RSAD2: variants seen among roughly 807,000 people sequenced by gnomAD.
RSAD2 encodes the protein radical S-adenosyl methionine domain containing 2, also known as S-adenosylmethionine-dependent nucleotide dehydratase RSAD2.
RSAD2 carries 38 observed loss-of-function variants against 37.7 expected under a neutral mutation model. The observed-to-expected ratio is 1.01, with a 90% confidence interval of 0.78 to 1.32. The LOEUF (loss-of-function observed/expected upper bound fraction) is 1.32, where lower values mean the gene tolerates loss of function less well. Ranked by LOEUF, RSAD2 falls within the 40% of genes most tolerant of loss-of-function variation. The probability of loss-of-function intolerance (pLI) is 0.00; values close to 1 mark genes in which losing one functional copy is unlikely to be tolerated. For synonymous variants in RSAD2, 163 were observed against 157.4 expected (o/e 1.04, Z -0.27); for missense variants, 428 against 437.5 (o/e 0.98, Z 0.19).
At chr2:6,884,334 A>G (rs1663473780) in intron 2 of RSAD2, among the ~76,000 whole-genome samples, 1 of 152,192 alleles carries the variant, frequency 6.6e-6, no homozygotes, top group Non-Finnish European at 1.5e-5. Context: ...TTAAGCAGGT[A>G]GAGAAGAGTC....
intron 1 of RSAD2, among the ~76,000 whole-genome samples, chr2:6,882,538 T>C (rs973128448): frequency 6.6e-6 from 1 of 152,130 alleles, no homozygotes; most frequent in Non-Finnish European, 1.5e-5. Context: ...AATGTTCCAG[T>C]AATAGAAGTT....
chr2:6,866,208 C>G (rs529113493), intron 1 of RSAD2, among the ~76,000 whole-genome samples: 1 of 152,348 alleles, frequency 6.6e-6, no homozygotes, highest in Non-Finnish European at 1.5e-5. Context: ...CACTTGCAGG[C>G]GCACTACTGC....
chr2:6,896,002 T>C lies in RSAD2; in HGVS notation c.*60T>C, dbSNP rs1256155799. The C allele has an allele frequency of 1.3e-6, 2 of 1,515,666 alleles. No homozygotes were observed. The highest frequency in any genetic ancestry group is 1.8e-6 in the Non-Finnish European group (2 of 1,104,166). 93.9% of individuals were successfully genotyped at this position (1,515,666 alleles called of 1,614,324 possible). On this transcript the variant is annotated 3_prime_UTR_variant, in exon 6 of 6. Transcript: ENST00000382040. ...GGGAAAACTCCTAGAGTAACTGCCA[T>C]TGTCTGCAATACTATCCCGTTGGTA...
intron 3 of RSAD2, among the ~76,000 whole-genome samples, 172 bp from the exon 4 acceptor site, chr2:6,890,004 C>T (rs978674217): frequency 6.6e-6 from 1 of 152,114 alleles, no homozygotes; most frequent in Non-Finnish European, 1.5e-5. Flanking sequence ...CACCATATTC[C>T]TAAATTTCAG....
At chr2:6,893,774 C>A in intron 5 of RSAD2, 71 bp downstream of exon 5, 1 of 1,074,044 alleles carries the variant, frequency 9.3e-7, no homozygotes, top group South Asian at 1.3e-5. Context: ...GAGTTGAGTT[C>A]CATGAGCATA....
chr2:6,884,712 A>G (rs1663481304), intron 2 of RSAD2, among the ~76,000 whole-genome samples: 2 of 152,170 alleles, frequency 1.3e-5, no homozygotes, highest in African/African-American at 2.4e-5. Flanking sequence ...CAGCATGGAG[A>G]CAATAGGAAA....
chr2:6,880,807 T>G (rs1019928855), intron 1 of RSAD2, among the ~76,000 whole-genome samples: 2 of 151,538 alleles, frequency 1.3e-5, no homozygotes, highest in Non-Finnish European at 2.9e-5. Context: ...CATTGAAATT[T>G]AAATTTTAAT....
intron 5 of RSAD2, among the ~76,000 whole-genome samples, chr2:6,895,484 C>A (rs1297210461): frequency 1.3e-5 from 2 of 152,244 alleles, no homozygotes; most frequent in Admixed American, 1.3e-4. Flanking sequence ...TGGGGCAAGC[C>A]TCTCCTGATT....
chr2:6,890,112 T>G, intron 3 of RSAD2, 64 bp from the exon 4 acceptor site: 3 of 1,524,606 alleles, frequency 2.0e-6, no homozygotes, highest in Non-Finnish European at 2.7e-6. Flanking sequence ...AAAGGGGGAG[T>G]GAGGTTTGGG....
At chr2:6,893,789 T>C in intron 5 of RSAD2, 86 bp downstream of exon 5, 2 of 902,008 alleles carry the variant, frequency 2.2e-6, no homozygotes, top group East Asian at 2.5e-5. Flanking sequence ...AGCATAACTA[T>C]CTAGTACCTA....
At chr2:6,881,842 C>T (rs1663410200) in intron 1 of RSAD2, among the ~76,000 whole-genome samples, 1 of 151,846 alleles carries the variant, frequency 6.6e-6, no homozygotes, top group South Asian at 2.1e-4. Flanking sequence ...TCCTAGAACG[C>T]AGGCAGGCAG....
chr2:6,893,827 G>A (rs564003459), intron 5 of RSAD2, 124 bp downstream of exon 5: 30 of 666,564 alleles, frequency 4.5e-5, no homozygotes, highest in South Asian at 4.5e-4. Context: ...GCACTTCACA[G>A]TTTGATAGTC....
At position 6,888,393 on chromosome 2, in the gene RSAD2, A is replaced by G. The variant is rs371541484; in HGVS notation, c.738+1229A>G. On this transcript the variant is annotated intron_variant, in intron 3 of 5. Transcript: ENST00000382040. The stretch of plus-strand genomic sequence containing the variant: ...GTCTAGAAGGAACTGGAGAAAAGCT[A>G]AAGAGAGAGGTCTGATAGGAAAAAC... 1.2e-4 allele frequency among the ~76,000 whole-genome samples: 19 copies of G among 152,292 alleles called. No individual in the cohort carries two copies. In the East Asian group the frequency reaches 1.7e-3, roughly 14 times the overall value.
chr2:6,889,713 A>G (rs1195138917), intron 3 of RSAD2, among the ~76,000 whole-genome samples: 3 of 152,252 alleles, frequency 2.0e-5, no homozygotes, highest in African/African-American at 4.8e-5. Flanking sequence ...GAAAGAGAAT[A>G]TTAATGATTT....
intron 1 of RSAD2, among the ~76,000 whole-genome samples, chr2:6,868,026 G>A (rs1663135436): frequency 6.6e-6 from 1 of 152,190 alleles, no homozygotes; most frequent in South Asian, 2.1e-4. Context: ...CATGCCTGTA[G>A]CCACCCATCG....
intron 2 of RSAD2, among the ~76,000 whole-genome samples, chr2:6,884,386 T>G (rs549388575): frequency 6.6e-6 from 1 of 152,022 alleles, no homozygotes; most frequent in Non-Finnish European, 1.5e-5. Flanking sequence ...CCTACAAGCG[T>G]GTAAAACCAA....
At chr2:6,884,406 G>A (rs1393236654) in intron 2 of RSAD2, among the ~76,000 whole-genome samples, 1 of 152,194 alleles carries the variant, frequency 6.6e-6, no homozygotes, top group African/African-American at 2.4e-5. Context: ...AAATGGTAGT[G>A]AAGGGAGGCA....
chr2:6,875,560 G>T (rs1216271797), upstream of RSAD2, among the ~76,000 whole-genome samples: 4 of 152,130 alleles, frequency 2.6e-5, no homozygotes, highest in East Asian at 7.7e-4. Context: ...ACCCCTCACG[G>T]GCAGTTGTTT....
intron 2 of RSAD2, among the ~76,000 whole-genome samples, chr2:6,885,285 C>T (rs1663495915): frequency 6.6e-6 from 1 of 152,118 alleles, no homozygotes; most frequent in Non-Finnish European, 1.5e-5. Flanking sequence ...CAGGAAGGTC[C>T]ATTTGAGTCT....
Sources: gnomAD v4.1 joint callset for allele counts (sites outside exome capture counted in the v4.1 genomes callset) on GRCh38, gnomAD v4.1.1 for gene constraint, MANE v1.5 for transcripts, NCBI Gene and HGNC (gene_info 2026-07-23, HGNC 2026-07-21) for gene names.